Variants in LRRK1 observed in about 807,000 individuals in gnomAD.
LRRK1 encodes leucine rich repeat kinase 1, also known as leucine-rich repeat serine/threonine-protein kinase 1.
In LRRK1, 113 loss-of-function variants were observed where a neutral mutation model predicts 209.1. The ratio of observed to expected loss-of-function variants is 0.54; its 90% confidence interval spans 0.46 to 0.63. The LOEUF (loss-of-function observed/expected upper bound fraction) is 0.63. Among genes scored for constraint, LRRK1 ranks in the 30% least tolerant of loss-of-function variants. The pLI, the probability that LRRK1 is intolerant of heterozygous loss-of-function variation, is 0.00. For missense variants in LRRK1, 2,284 were observed against 2,632.2 expected (o/e 0.87, Z 2.89); for synonymous variants, 1,144 against 1,099.7 (o/e 1.04, Z -0.80).
chr15:100,964,016 T>C (rs1315543681), intron 2 of LRRK1, among the ~76,000 whole-genome samples: 2 of 152,220 alleles, frequency 1.3e-5, no homozygotes, highest in African/African-American at 4.8e-5. Flanking sequence ...AAATTCCTAG[T>C]GATTTGGTGA....
intron 6 of LRRK1, among the ~76,000 whole-genome samples, chr15:101,007,888 T>C (rs1322981283): frequency 6.6e-6 from 1 of 152,130 alleles, no homozygotes; most frequent in African/African-American, 2.4e-5. Context: ...AAGTGGCTCA[T>C]GCCTGTAATT....
chr15:101,073,022 T>C lies in LRRK1; in HGVS notation c.*4174T>C. ...CCTGCTCTTTGGTCCATGAGAAAGA[T>C]CCACCTACAACCTCAAGTCCTCAGA... On this transcript the variant is annotated 3_prime_UTR_variant, in exon 34 of 34. Coordinates refer to ENST00000388948, the MANE Select transcript of LRRK1 (RefSeq NM_024652.6). The C allele has an allele frequency of 5.4e-6, 1 of 184,614 alleles. No homozygotes were observed. The highest frequency in any genetic ancestry group is 1.1e-5 in the Non-Finnish European group (1 of 92,210). 11.4% of individuals were successfully genotyped at this position (184,614 alleles called of 1,614,324 possible). A position where few individuals can be genotyped will look rare whatever the true frequency, so the allele number is the denominator to read the frequency against.
At chr15:101,011,204 C>T (rs190411783) in intron 9 of LRRK1, among the ~76,000 whole-genome samples, 1 of 152,146 alleles carries the variant, frequency 6.6e-6, no homozygotes, top group East Asian at 1.9e-4. Flanking sequence ...CGCTATGGCT[C>T]ATGCCTGTAA....
intron 4 of LRRK1, among the ~76,000 whole-genome samples, chr15:100,986,487 GT>G (rs1293420918): frequency 6.6e-6 from 1 of 151,704 alleles, no homozygotes; most frequent in Non-Finnish European, 1.5e-5. Flanking sequence ...CCTTCAAGAA[GT>G]TTCCCTGCCA....
In LRRK1 at chr15:101,074,294, C is replaced by G. The variant is rs554028911; in HGVS notation, c.*5446C>G. On this transcript the variant is annotated 3_prime_UTR_variant, in exon 34 of 34. Coordinates refer to ENST00000388948, the MANE Select transcript of LRRK1 (RefSeq NM_024652.6). ...CACCATATAATCTTTTTATCACCTCCCCTCCTCACACCCGGTCCGGCTTAC... is the reference window on the plus strand; with the variant it reads ...CACCATATAATCTTTTTATCACCTCGCCTCCTCACACCCGGTCCGGCTTAC... The G allele has an allele frequency of 6.6e-6, 1 of 152,274 alleles. No homozygotes were observed. Among genetic ancestry groups the G allele is most frequent in the South Asian group, 2.1e-4 (1 of 4,828 alleles). 9.4% of individuals were successfully genotyped at this position (152,274 alleles called of 1,614,324 possible). A position where few individuals can be genotyped will look rare whatever the true frequency, so the allele number is the denominator to read the frequency against.
chr15:101,043,154 C>A (rs911165222), intron 20 of LRRK1, among the ~76,000 whole-genome samples: 1 of 152,242 alleles, frequency 6.6e-6, no homozygotes, highest in Non-Finnish European at 1.5e-5. Flanking sequence ...CGCCACTCTG[C>A]GTCCTCAGCT....
rs114885208 is a variant in LRRK1, at chr15:101,039,159, G to A, written c.2964-6822G>A. On this transcript the variant is annotated intron_variant, in intron 20 of 33. Transcript: ENST00000388948. ...CAGCTTGTCTGATTCTTAAAAAACC[G>A]TTGTGATTTTTATGGAGATTACATT... Among the ~76,000 whole-genome samples the A allele has an allele frequency of 8.8e-3, 1,343 of 152,224 alleles. 23 individuals are homozygous for A. The highest frequency in any genetic ancestry group is 0.031 in the African/African-American group (1,282 of 41,526).
At chr15:100,997,509 A>G (rs1567222398) in intron 6 of LRRK1, among the ~76,000 whole-genome samples, 1 of 152,220 alleles carries the variant, frequency 6.6e-6, no homozygotes, top group Non-Finnish European at 1.5e-5. Context: ...ACTGGCAGTA[A>G]ATCATGGCAT....
chr15:101,051,806 A>C lies in LRRK1; in HGVS notation c.3535A>C (p.Ser1179Arg). The C allele has an allele frequency of 6.2e-7, 1 of 1,614,102 alleles. No individual in the cohort carries two copies. The highest frequency in any genetic ancestry group is 1.1e-5 in the South Asian group (1 of 91,086). The stretch of plus-strand genomic sequence containing the variant: ...AGCCTGGGCCCAGCACACGGACCCC[A>C]GTGAGAAATCAGAGGATGTGCAGTA... ...ETAWAQHTDPSEKSEDVQYFD... is the reference protein window; with the variant it reads ...ETAWAQHTDPREKSEDVQYFD... The change falls in exon 24 of 34, where the codon AGT (serine) becomes CGT (arginine). Residue 1179 changes from serine to arginine, a missense_variant. Physicochemically the swap from Ser to Arg is moderately radical, Grantham distance 110. Transcript: ENST00000388948.
At position 101,014,733 on chromosome 15, in the gene LRRK1, A is replaced by G. The variant is rs560188647; in HGVS notation, c.1532+305A>G. Among the ~76,000 whole-genome samples, 36 of 152,286 alleles carry G rather than the reference A, an allele frequency of 2.4e-4. 1 individual carries two copies. In the East Asian group the frequency reaches 6.8e-3, roughly 29 times the overall value. ...CCTAATCTCCTCTTCTTATAAGGACACCAGTCGGATTGGATTAGAGTCCAT... is the reference window on the plus strand; with the variant it reads ...CCTAATCTCCTCTTCTTATAAGGACGCCAGTCGGATTGGATTAGAGTCCAT... On this transcript the variant is annotated intron_variant, in intron 11 of 33. Coordinates refer to ENST00000388948, the MANE Select transcript of LRRK1 (RefSeq NM_024652.6).
intron 12 of LRRK1, among the ~76,000 whole-genome samples, chr15:101,020,048 G>A (rs2033706965): frequency 6.6e-6 from 1 of 152,218 alleles, no homozygotes; most frequent in Non-Finnish European, 1.5e-5. Context: ...ACAGCCAACT[G>A]TGGTATATTT....
At chr15:101,021,548 C>G (rs917969528) in intron 13 of LRRK1, among the ~76,000 whole-genome samples, 4 of 152,076 alleles carry the variant, frequency 2.6e-5, no homozygotes, top group Non-Finnish European at 5.9e-5. Flanking sequence ...ACATCGCCTT[C>G]TCGGGAAGAG....
Position 100,983,553 on chromosome 15 carries a change from C to T in LRRK1, c.287C>T (p.Ala96Val). The part of the protein sequence containing the change: ...EKGQLLSIPA[A>V]YGDLEMVRYL... ...GGCCAGCTTCTGAGCATCCCGGCAG[C>T]CTATGGGGATCTGGAGATGGTCCGC... is the stretch of plus-strand genomic sequence containing the variant. Residue 96 changes from alanine to valine, a missense_variant, in exon 4 of 34, where the codon GCC (alanine) becomes GTC (valine). Physicochemically the swap from Ala to Val is moderately conservative, Grantham distance 64. Around this residue, in one of 6 missense-constraint regions of LRRK1, gnomAD observed 134 missense variants for 191.7 expected, o/e 0.70. Transcript: ENST00000388948. The T allele has an allele frequency of 6.2e-7, 1 of 1,607,912 alleles. No individual in the cohort carries two copies. The highest frequency in any genetic ancestry group is 1.1e-5 in the South Asian group (1 of 90,460).
Position 101,027,122 on chromosome 15 carries a change from C to T in LRRK1, c.2406-139C>T. The T allele has an allele frequency of 9.4e-7, 1 of 1,065,442 alleles. No homozygotes were observed. The allele number at this position is 1,065,442 out of a possible 1,614,324, so 66.0% of individuals were successfully genotyped here. A position where few individuals can be genotyped will look rare whatever the true frequency, so the allele number is the denominator to read the frequency against. On this transcript the variant is annotated intron_variant, in intron 17 of 33. Coordinates refer to ENST00000388948, the MANE Select transcript of LRRK1 (RefSeq NM_024652.6). The surrounding 1 kb of genome is among the most constrained non-coding windows in gnomAD (Gnocchi z 5.1). The stretch of plus-strand genomic sequence containing the variant: ...CAGTGATTTGCACAAAGCAAGGCCT[C>T]AATAAACTTCTTGTGTTGTCTTTCA...
chr15:101,054,455 G>A (rs1190437975), intron 26 of LRRK1, among the ~76,000 whole-genome samples: 1 of 152,220 alleles, frequency 6.6e-6, no homozygotes, highest in Non-Finnish European at 1.5e-5. Context: ...ACTTAACCAG[G>A]CCATTCTCTG....
At chr15:101,056,672 T>C (rs1327194272) in intron 27 of LRRK1, among the ~76,000 whole-genome samples, 184 bp from the exon 28 acceptor site, 3 of 152,048 alleles carry the variant, frequency 2.0e-5, no homozygotes, top group African/African-American at 7.2e-5. Flanking sequence ...GATAGATAAA[T>C]GGATAGAAGA....
rs1314649839 is a variant in LRRK1 at position 100,973,864 on chromosome 15, G to A, written c.158G>A (p.Arg53His). 2 of 1,289,982 alleles carry A rather than the reference G, an allele frequency of 1.6e-6. No homozygotes were observed. The highest frequency in any genetic ancestry group is 1.5e-5 in the African/African-American group (1 of 64,726). 79.9% of individuals were successfully genotyped at this position (1,289,982 alleles called of 1,614,324 possible). A position where few individuals can be genotyped will look rare whatever the true frequency, so the allele number is the denominator to read the frequency against. The part of the protein sequence containing the change: ...TRGGDPAARS[R>H]RTEGIRAAYR... ...GGCGGTGACCCTGCAGCGCGGTCCCGCAGGACGGAAGGCATCCGCGCCGCG... is the reference window on the plus strand; with the variant it reads ...GGCGGTGACCCTGCAGCGCGGTCCCACAGGACGGAAGGCATCCGCGCCGCG... The change falls in exon 3 of 34, where the codon CGC becomes CAC. Residue 53 changes from arginine to histidine, a missense_variant. Physicochemically the swap from Arg to His is conservative, Grantham distance 29 (BLOSUM62 0). Transcript: ENST00000388948.
chr15:101,014,600 G>A (rs1170042037), intron 11 of LRRK1, among the ~76,000 whole-genome samples, 172 bp downstream of exon 11: 2 of 152,272 alleles, frequency 1.3e-5, no homozygotes, highest in African/African-American at 4.8e-5. Context: ...TCCGAGGTGA[G>A]GGTGTGGGCA....
Position 100,948,004 on chromosome 15 carries a change from A to G in LRRK1, c.97+23275A>G, listed in dbSNP as rs112114983. Among the ~76,000 whole-genome samples the G allele has an allele frequency of 8.8e-3, 1,341 of 152,352 alleles. 27 individuals are homozygous for G. Among genetic ancestry groups the G allele is most frequent in the African/African-American group, 0.031 (1,290 of 41,572 alleles). ...CTGAAGTCTTTAAGACAGTTGCTTG[A>G]CAAGGCATCCACGGGGAATTCCACT... On this transcript the variant is annotated intron_variant, in intron 2 of 33. Transcript: ENST00000388948.
Sources: gnomAD v4.1 joint callset for allele counts (sites outside exome capture counted in the v4.1 genomes callset) on GRCh38, gnomAD v4.1.1 for gene constraint, gnomAD v4.1.1 regional missense constraint, Gnocchi (gnomAD v3.1) non-coding constraint, MANE v1.5 for transcripts, NCBI Gene and HGNC (gene_info 2026-07-23, HGNC 2026-07-21) for gene names.